Variants in UBE3B observed in about 807,000 individuals in gnomAD.
The protein encoded by UBE3B is ubiquitin protein ligase E3B.
In UBE3B, 80 loss-of-function variants were observed where a neutral mutation model predicts 132.3. The observed-to-expected ratio is 0.60, with a 90% CI of 0.50 to 0.73. The LOEUF (loss-of-function observed/expected upper bound fraction) is 0.73. Among genes scored for constraint, UBE3B ranks in the 30% least tolerant of loss-of-function variants. UBE3B has a pLI of 0.00. For synonymous variants in UBE3B, 487 were observed against 520.4 expected (o/e 0.94, Z 0.87); for missense variants, 1,196 against 1,362.5 (o/e 0.88, Z 1.92).
At chr12:109,509,450 A>AT in intron 15 of UBE3B, 146 bp from the exon 16 acceptor site, 2 of 567,478 alleles carry the variant, frequency 3.5e-6, no homozygotes, top group South Asian at 4.7e-5. Flanking sequence ...ATATCATATC[A>AT]TTTTATCTGT....
rs1882686405 is a variant in UBE3B at position 109,529,113 on chromosome 12, A to G, written c.2628-777A>G. ...GAGTCAGAGGTCGCAGTGAGCTGAG[A>G]TCGCACCACTGCACTCCAGCCTGGG... On this transcript the variant is annotated intron_variant, in intron 24 of 27. Transcript: ENST00000342494. 2.0e-5 allele frequency among the ~76,000 whole-genome samples: 3 copies of G among 152,202 alleles called. No homozygotes were observed. The South Asian group carries it at 6.2e-4, about 32-fold the overall frequency.
chr12:109,533,710 C>CA, intron 27 of UBE3B, 152 bp downstream of exon 27: 1 of 881,526 alleles, frequency 1.1e-6, no homozygotes, highest in Non-Finnish European at 1.8e-6. Flanking sequence ...CCACAGTTCT[C>CA]ACGGCAGGAG....
rs1882338019 is a variant in UBE3B at position 109,526,404 on chromosome 12, CA to C, written c.2618del (p.Asn873MetfsTer10). ...CCTGGAGGGAAGACCATTCCTGTTA[CA>C]AATGAAAATAAGTGAGTATAGCAAT... is the stretch of plus-strand genomic sequence containing the variant. ...LIPGGKTIPVTNENKISYIHL... is the reference protein window; with the variant it reads ...LIPGGKTIPVXNENKISYIHL... On this transcript the variant is annotated frameshift_variant, in exon 24 of 28. Coordinates refer to ENST00000342494, the MANE Select transcript of UBE3B (RefSeq NM_130466.4). LOFTEE classifies it high-confidence loss of function. The C allele has an allele frequency of 5.0e-6, 8 of 1,613,974 alleles. No individual in the cohort carries two copies. Among genetic ancestry groups the C allele is most frequent in the Non-Finnish European group, 6.8e-6 (8 of 1,180,018 alleles).
At chr12:109,498,029 T>C in intron 10 of UBE3B, 106 bp downstream of exon 10, 1 of 1,366,306 alleles carries the variant, frequency 7.3e-7, no homozygotes, top group Non-Finnish European at 1.0e-6. Context: ...ACACCTCCCT[T>C]TAATTGTTCT....
At chr12:109,526,894 C>T (rs1882405244) in intron 24 of UBE3B, among the ~76,000 whole-genome samples, 1 of 151,098 alleles carries the variant, frequency 6.6e-6, no homozygotes, top group South Asian at 2.1e-4. Context: ...AATTGATTTG[C>T]AAAATAAGAA....
In UBE3B at chr12:109,490,022, C is replaced by G. The variant is rs73196268; in HGVS notation, c.630+18C>G. The G allele has an allele frequency of 3.1e-6, 5 of 1,612,408 alleles. No homozygotes were observed. Among genetic ancestry groups the G allele is most frequent in the African/African-American group, 1.3e-5 (1 of 74,888 alleles). On this transcript the variant is annotated intron_variant, in intron 8 of 27. Transcript: ENST00000342494. Reference sequence around the variant, plus strand: ...TGCTGCAGGTCTGTGACTCCTGCCCCCCAGTGTGCAACTTCTCCACTCTCC... The same window carrying G: ...TGCTGCAGGTCTGTGACTCCTGCCCGCCAGTGTGCAACTTCTCCACTCTCC...
intron 18 of UBE3B, among the ~76,000 whole-genome samples, chr12:109,516,158 CT>C (rs1177030743): frequency 6.2e-5 from 8 of 129,328 alleles, no homozygotes; most frequent in Non-Finnish European, 1.3e-4. Flanking sequence ...TTTCTTTTTT[CT>C]TTTTTTTCTT....
the UBE3B span, among the ~76,000 whole-genome samples, chr12:109,544,700 G>A: frequency 6.6e-6 from 1 of 152,266 alleles, no homozygotes; most frequent in African/African-American, 2.4e-5. Context: ...CTGCCACATG[G>A]GGTAAGCTAC....
chr12:109,488,448 C>A, intron 6 of UBE3B, 124 bp from the exon 7 acceptor site: 1 of 869,248 alleles, frequency 1.2e-6, no homozygotes, highest in Admixed American at 2.0e-5. Context: ...AGAATTAAGA[C>A]TGACTTATAA....
At chr12:109,527,972 G>T (rs550009163) in intron 24 of UBE3B, among the ~76,000 whole-genome samples, 1 of 152,286 alleles carries the variant, frequency 6.6e-6, no homozygotes, top group Admixed American at 6.5e-5. Context: ...GTGACAGTAG[G>T]TAGTCACTCA....
chr12:109,533,217 C>A (rs1883128311), intron 26 of UBE3B, among the ~76,000 whole-genome samples: 1 of 152,226 alleles, frequency 6.6e-6, no homozygotes, highest in Non-Finnish European at 1.5e-5. Flanking sequence ...CGTGCTCTCA[C>A]AAGTGGCCAG....
At chr12:109,505,120 C>T (rs1272461777) in intron 14 of UBE3B, among the ~76,000 whole-genome samples, 1 of 152,136 alleles carries the variant, frequency 6.6e-6, no homozygotes, top group Non-Finnish European at 1.5e-5. Context: ...TTTTAGTCAA[C>T]TTGAAAATAT....
At chr12:109,543,446 T>C in the UBE3B span, among the ~76,000 whole-genome samples, 42 of 151,072 alleles carry the variant, frequency 2.8e-4, no homozygotes, top group African/African-American at 9.7e-4. Flanking sequence ...TGTGGGAGAG[T>C]GTCTAGAGTG....
chr12:109,499,620 T>G lies in UBE3B; in HGVS notation c.941-13T>G, dbSNP rs1592913157. On this transcript the variant is annotated splice_polypyrimidine_tract_variant and intron_variant, in intron 11 of 27. Coordinates refer to ENST00000342494, the MANE Select transcript of UBE3B (RefSeq NM_130466.4). ...TGTCTGGGCCCATCACACTCAGCCT[T>G]CTCTCTCTGTAGGCAACCTCCTACA... The G allele has an allele frequency of 6.3e-7, 1 of 1,575,892 alleles. No homozygotes were observed. Among genetic ancestry groups the G allele is most frequent in the Non-Finnish European group, 8.6e-7 (1 of 1,159,182 alleles).
chr12:109,514,179 C>T (rs1321793991), intron 18 of UBE3B, among the ~76,000 whole-genome samples: 1 of 152,178 alleles, frequency 6.6e-6, no homozygotes, highest in Non-Finnish European at 1.5e-5. Flanking sequence ...CCTGGCTGGC[C>T]CTTAAGTCCT....
At chr12:109,527,796 G>C (rs964216962) in intron 24 of UBE3B, among the ~76,000 whole-genome samples, 4 of 152,154 alleles carry the variant, frequency 2.6e-5, no homozygotes, top group Admixed American at 6.5e-5. Flanking sequence ...ATTCCTTTAG[G>C]GGGGTGCTTG....
Position 109,483,663 on chromosome 12 carries a change from G to T in UBE3B, c.112G>T (p.Ala38Ser), listed in dbSNP as rs200114053. The change falls in exon 3 of 28, where the codon GCC becomes TCC. Residue 38 changes from alanine to serine, a missense_variant. Transcript: ENST00000342494. ...GGAGCGGGCAGCTGTTGTGATCCAGGCCCATGTCCGGAGTTTTCTCTGTCG... is the reference window on the plus strand; with the variant it reads ...GGAGCGGGCAGCTGTTGTGATCCAGTCCCATGTCCGGAGTTTTCTCTGTCG... ...ERERAAVVIQ[A>S]HVRSFLCRSR... The T allele has an allele frequency of 2.5e-5, 40 of 1,612,826 alleles. No homozygotes were observed. The African/African-American group carries it at 4.7e-4, about 19-fold the overall frequency.
At chr12:109,513,609 G>T (rs1394374624) in intron 18 of UBE3B, among the ~76,000 whole-genome samples, 1 of 152,086 alleles carries the variant, frequency 6.6e-6, no homozygotes, top group Non-Finnish European at 1.5e-5. Context: ...AGTGATAGAG[G>T]TGCTGTGAAT....
intron 8 of UBE3B, chr12:109,490,635 A>G (rs2135839830): frequency 1.3e-6 from 2 of 1,528,114 alleles, no homozygotes; most frequent in Non-Finnish European, 1.7e-6. Flanking sequence ...CGGCTTCTAA[A>G]ATAATATGAT....
Sources: gnomAD v4.1 joint callset for allele counts (sites outside exome capture counted in the v4.1 genomes callset) on GRCh38, gnomAD v4.1.1 for gene constraint, MANE v1.5 for transcripts, NCBI Gene and HGNC (gene_info 2026-07-23, HGNC 2026-07-21) for gene names.